Variants in STX8 observed in about 807,000 individuals in gnomAD.
STX8 encodes syntaxin 8.
In STX8, 23 loss-of-function variants were observed where a neutral mutation model predicts 37.5. The observed-to-expected ratio is 0.61, with a 90% CI of 0.44 to 0.87. STX8 has a LOEUF of 0.87. Ranked by LOEUF, STX8 falls within the 40% of genes least tolerant of loss-of-function variation. The pLI is 0.00. For missense variants in STX8, 313 were observed against 284.7 expected (o/e 1.10, Z -0.71); for synonymous variants, 115 against 99.1 (o/e 1.16, Z -0.95).
At chr17:9,320,915 G>A (rs1000197937) in intron 7 of STX8, among the ~76,000 whole-genome samples, 2 of 131,380 alleles carry the variant, frequency 1.5e-5, no homozygotes, top group African/African-American at 2.8e-5. Flanking sequence ...AAAAAAGAAA[G>A]AAATCTTAAT....
At chr17:9,539,072 A>T (rs1024369793) in intron 4 of STX8, among the ~76,000 whole-genome samples, 14 of 152,230 alleles carry the variant, frequency 9.2e-5, no homozygotes, top group Admixed American at 2.6e-4. Context: ...GCTTATTTAG[A>T]CCAAGGCTTA....
At chr17:9,279,148 C>T (rs1907789365) in intron 7 of STX8, among the ~76,000 whole-genome samples, 1 of 151,716 alleles carries the variant, frequency 6.6e-6, no homozygotes, top group Non-Finnish European at 1.5e-5. Context: ...ATTGCAACCT[C>T]CCGGGTTCAA....
In STX8 at chr17:9,535,424, CTTTTTTTT is replaced by C. The variant is rs35962202; in HGVS notation, c.323+9740_323+9747del. On this transcript the variant is annotated intron_variant, in intron 4 of 7. Coordinates refer to ENST00000306357, the MANE Select transcript of STX8 (RefSeq NM_004853.3). Reference sequence around the variant, plus strand: ...CATACCCTCTGACCCAGCCATCCTACTTTTTTTTTTTTTTTTTTTTTTTTTTGAGACGG... The same window carrying C: ...CATACCCTCTGACCCAGCCATCCTACTTTTTTTTTTTTTTTTTTGAGACGG... Among the ~76,000 whole-genome samples the C allele has an allele frequency of 7.6e-4, 39 of 51,564 alleles. 2 individuals are homozygous for C. The South Asian group carries it at 0.037, about 49-fold the overall frequency. The allele number at this position is 51,564 out of a possible 152,430, so 33.8% of individuals were successfully genotyped here. A position where few individuals can be genotyped will look rare whatever the true frequency, so the allele number is the denominator to read the frequency against.
chr17:9,472,798 G>A (rs759993837), intron 6 of STX8, among the ~76,000 whole-genome samples: 20 of 152,150 alleles, frequency 1.3e-4, no homozygotes, highest in Non-Finnish European at 1.9e-4. Flanking sequence ...CCTTTTCCTT[G>A]ACAAGTGTTT....
At chr17:9,364,005 C>T (rs889619764) in intron 7 of STX8, among the ~76,000 whole-genome samples, 1 of 152,182 alleles carries the variant, frequency 6.6e-6, no homozygotes, top group African/African-American at 2.4e-5. Flanking sequence ...TTCCCACTCC[C>T]CAAATAAATG....
chr17:9,506,689 A>G (rs535435098), intron 4 of STX8, among the ~76,000 whole-genome samples: 1 of 152,180 alleles, frequency 6.6e-6, no homozygotes, highest in African/African-American at 2.4e-5. Flanking sequence ...AAACACCTAC[A>G]GTCCTTATTA....
At chr17:9,431,958 C>A (rs982096993) in intron 6 of STX8, among the ~76,000 whole-genome samples, 3 of 152,154 alleles carry the variant, frequency 2.0e-5, no homozygotes, top group Non-Finnish European at 1.5e-5. Flanking sequence ...ACCCCTCTCA[C>A]TTCAATCTCC....
chr17:9,479,465 C>G lies in STX8; in HGVS notation c.541+12364G>C, dbSNP rs181649704. Among the ~76,000 whole-genome samples, 273 of 151,598 alleles carry G rather than the reference C, an allele frequency of 1.8e-3. 3 individuals carry two copies. Among genetic ancestry groups the G allele is most frequent in the Middle Eastern group, 6.9e-3 (2 of 288 alleles). ...AGGAGAATCGCTTGAACCCAGGAAG[C>G]AGAGGTTGCAGTGAGCTGAGATCGT... On this transcript the variant is annotated intron_variant, in intron 6 of 7. Coordinates refer to ENST00000306357, the MANE Select transcript of STX8 (RefSeq NM_004853.3).
In STX8 at chr17:9,558,755, G is replaced by A. The variant is rs1330951144; in HGVS notation, c.118-1227C>T. 3.9e-5 allele frequency among the ~76,000 whole-genome samples: 6 copies of A among 152,084 alleles called. No individual in the cohort carries two copies. The Middle Eastern group carries it at 0.014, about 345-fold the overall frequency. On this transcript the variant is annotated intron_variant, in intron 2 of 7. Transcript: ENST00000306357. ...GGAGAACGGCGTGAACCCTGGAGGC[G>A]GAGCTTGCAGTGAGCCGAGATCGCG...
rs71135970 is a variant in STX8, at chr17:9,351,176, CTTTTT to C, written c.643+27371_643+27375del. ...CATAATAATGTAGTGATTTCCTTGT[CTTTTT>C]TTTTTTTTTTTTTTTTTTGAGACGG... On this transcript the variant is annotated intron_variant, in intron 7 of 7. Coordinates refer to ENST00000306357, the MANE Select transcript of STX8 (RefSeq NM_004853.3). Among the ~76,000 whole-genome samples the C allele has an allele frequency of 1.5e-3, 149 of 99,806 alleles. 1 individual carries two copies. The highest frequency in any genetic ancestry group is 5.8e-3 in the African/African-American group (142 of 24,646). 65.5% of individuals were successfully genotyped at this position (99,806 alleles called of 152,430 possible).
intron 6 of STX8, among the ~76,000 whole-genome samples, chr17:9,478,076 A>G (rs2142449215): frequency 6.6e-6 from 1 of 152,234 alleles, no homozygotes. Flanking sequence ...AAGTTTCTTC[A>G]TTTCTGGCAC....
At chr17:9,488,826 G>GTGTA (rs1906723005) in intron 6 of STX8, among the ~76,000 whole-genome samples, 1 of 150,658 alleles carries the variant, frequency 6.6e-6, no homozygotes, top group South Asian at 2.1e-4. Context: ...GAGAGAGTGT[G>GTGTA]TGTGTGTGTG....
intron 4 of STX8, among the ~76,000 whole-genome samples, chr17:9,513,979 T>A (rs1467760378): frequency 6.6e-6 from 1 of 152,096 alleles, no homozygotes; most frequent in Non-Finnish European, 1.5e-5. Flanking sequence ...CAAAAGTTGA[T>A]CTCATAGAAG....
intron 7 of STX8, among the ~76,000 whole-genome samples, chr17:9,272,670 G>A (rs1407732626): frequency 6.6e-6 from 1 of 152,348 alleles, no homozygotes; most frequent in Non-Finnish European, 1.5e-5. Flanking sequence ...CACCGTGGGT[G>A]AGGAAATGAG....
At chr17:9,560,516 T>C (rs1459768897) in intron 2 of STX8, among the ~76,000 whole-genome samples, 1 of 152,092 alleles carries the variant, frequency 6.6e-6, no homozygotes, top group Non-Finnish European at 1.5e-5. Context: ...TAAATTGTTA[T>C]TTTAAAACTT....
At chr17:9,422,553 G>A (rs979550787) in intron 6 of STX8, among the ~76,000 whole-genome samples, 1 of 152,206 alleles carries the variant, frequency 6.6e-6, no homozygotes, top group Non-Finnish European at 1.5e-5. Flanking sequence ...ACAATATGTG[G>A]CCTTTTGTGT....
At chr17:9,359,206 C>A (rs1464398981) in intron 7 of STX8, among the ~76,000 whole-genome samples, 1 of 151,940 alleles carries the variant, frequency 6.6e-6, no homozygotes, top group African/African-American at 2.4e-5. Flanking sequence ...CCACGCCTGG[C>A]TAATTTTTGT....
intron 6 of STX8, among the ~76,000 whole-genome samples, chr17:9,418,291 T>A (rs921542182): frequency 6.6e-6 from 1 of 152,070 alleles, no homozygotes; most frequent in Non-Finnish European, 1.5e-5. Context: ...CTGATTGGTA[T>A]AGGGTGCAGC....
chr17:9,271,467 T>C (rs1045880977), intron 7 of STX8, among the ~76,000 whole-genome samples: 1 of 151,330 alleles, frequency 6.6e-6, no homozygotes, highest in South Asian at 2.1e-4. Context: ...AAGAAAGAAA[T>C]GCGGCCGGGC....
Sources: allele counts gnomAD v4.1 joint callset (sites outside exome capture counted in the v4.1 genomes callset), GRCh38; gene constraint gnomAD v4.1.1; transcripts MANE v1.5; gene names NCBI Gene and HGNC (gene_info 2026-07-23, HGNC 2026-07-21).